The following NT5C2 variants were observed in gnomAD, a reference collection of about 807,000 sequenced individuals.
NT5C2 encodes cytosolic purine 5'-nucleotidase.
A neutral mutation model predicts 76.1 loss-of-function variants in NT5C2; 58 were observed. That is an observed-to-expected ratio of 0.76 (90% confidence interval 0.62 to 0.95). NT5C2 has a LOEUF of 0.95. NT5C2 is among the 40% of genes least tolerant of loss of function. The pLI is 0.00. For missense variants in NT5C2, 478 were observed against 690.3 expected, an observed-to-expected ratio of 0.69 and a Z score of 3.45; for synonymous variants, 229 against 237.4, an observed-to-expected ratio of 0.96 and a Z score of 0.32.
intron 3 of NT5C2, among the ~76,000 whole-genome samples, chr10:103,162,879 A>G (rs1431760371): frequency 1.3e-5 from 2 of 152,166 alleles, no homozygotes; most frequent in African/African-American, 4.8e-5. Flanking sequence ...TAACTCACAT[A>G]ATAGTTACAA....
At chr10:103,175,255 T>G (rs746292366) in intron 2 of NT5C2, among the ~76,000 whole-genome samples, 139 of 152,286 alleles carry the variant, frequency 9.1e-4, no homozygotes, top group Middle Eastern at 3.4e-3. Context: ...ACTCTAATCC[T>G]AGATTCTAGA....
At chr10:103,132,295 A>C (rs1157985940) in intron 4 of NT5C2, among the ~76,000 whole-genome samples, 2 of 152,148 alleles carry the variant, frequency 1.3e-5, no homozygotes. Context: ...GAACAATCAC[A>C]GATTAGAAGA....
At chr10:103,150,248 A>C (rs759198735) in intron 3 of NT5C2, among the ~76,000 whole-genome samples, 2 of 152,168 alleles carry the variant, frequency 1.3e-5, no homozygotes, top group Non-Finnish European at 2.9e-5. Context: ...CTGAGCTACC[A>C]CTAGTACTTT....
At chr10:103,115,059 G>C (rs1243063810) in intron 4 of NT5C2, among the ~76,000 whole-genome samples, 4 of 152,202 alleles carry the variant, frequency 2.6e-5, no homozygotes, top group African/African-American at 9.6e-5. Context: ...ATGAATCAAA[G>C]GTAGCTATTA....
Position 103,088,980 on chromosome 10 carries a change from G to T in NT5C2, c.*692C>A. The stretch of plus-strand genomic sequence containing the variant: ...TCTATAGATTTATCACAGATAAGAA[G>T]GAGGTTGTTTTTGGATAACAAATAA... On this transcript the variant is annotated 3_prime_UTR_variant, in exon 19 of 19. Transcript: ENST00000404739. The T allele has an allele frequency of 4.8e-6, 1 of 209,358 alleles. No homozygotes were observed. The highest frequency in any genetic ancestry group is 2.3e-5 in the African/African-American group (1 of 44,092). 13.0% of individuals were successfully genotyped at this position (209,358 alleles called of 1,614,324 possible). A position where few individuals can be genotyped will look rare whatever the true frequency, so the allele number is the denominator to read the frequency against.
At position 103,106,305 on chromosome 10, in the gene NT5C2, C is replaced by T. The variant is rs2281877; in HGVS notation, c.293+284G>A. Reference sequence around the variant, plus strand: ...TTGCCAACAGCCCCAAATAGCACCACCTGTGATTACTGCCCATCAGTTTTA... The same window carrying T: ...TTGCCAACAGCCCCAAATAGCACCATCTGTGATTACTGCCCATCAGTTTTA... On this transcript the variant is annotated intron_variant, in intron 5 of 18. Coordinates refer to ENST00000404739, the MANE Select transcript of NT5C2 (RefSeq NM_001351169.2). Among the ~76,000 whole-genome samples the T allele has an allele frequency of 0.32, 47,941 of 151,986 alleles. 7,642 individuals are homozygous for T. Among genetic ancestry groups the T allele is most frequent in the Middle Eastern group, 0.36 (107 of 294 alleles).
intron 1 of NT5C2, among the ~76,000 whole-genome samples, chr10:103,185,980 A>T (rs1382127310): frequency 3.9e-5 from 6 of 152,236 alleles, no homozygotes; most frequent in Admixed American, 1.3e-4. Context: ...TTTTTCATGT[A>T]TGATTCTAAG....
At chr10:103,187,163 T>A (rs2092128929) in intron 1 of NT5C2, among the ~76,000 whole-genome samples, 1 of 151,856 alleles carries the variant, frequency 6.6e-6, no homozygotes. Flanking sequence ...GGCAGGAGAA[T>A]CGCTTAAACC....
At chr10:103,185,015 T>G (rs564481568) in intron 1 of NT5C2, among the ~76,000 whole-genome samples, 1 of 150,846 alleles carries the variant, frequency 6.6e-6, no homozygotes, top group Admixed American at 6.6e-5. Flanking sequence ...AAAGACTAAT[T>G]TTGCTATGTT....
At chr10:103,153,935 C>T (rs2082844303) in intron 3 of NT5C2, 1 of 258,060 alleles carries the variant, frequency 3.9e-6, no homozygotes, top group Admixed American at 6.5e-5. Flanking sequence ...TGCTTTTAAA[C>T]AAAACATCTG....
At chr10:103,117,525 T>C (rs566637980) in intron 4 of NT5C2, among the ~76,000 whole-genome samples, 1 of 152,302 alleles carries the variant, frequency 6.6e-6, no homozygotes, top group African/African-American at 2.4e-5. Flanking sequence ...CATACACCTA[T>C]AGTCCTTGCT....
chr10:103,175,595 A>G, intron 2 of NT5C2: 1 of 211,938 alleles, frequency 4.7e-6, no homozygotes, highest in Non-Finnish European at 1.0e-5. Context: ...AGACGTGACC[A>G]CCAAGGTTGC....
chr10:103,090,574 G>A, intron 18 of NT5C2, 37 bp downstream of exon 18: 1 of 1,582,716 alleles, frequency 6.3e-7, no homozygotes, highest in Non-Finnish European at 8.6e-7. Context: ...CCTGGGCTTA[G>A]AGTACATCTT....
At chr10:103,139,569 T>C in intron 3 of NT5C2, 90 bp from the exon 4 acceptor site, 1 of 911,240 alleles carries the variant, frequency 1.1e-6, no homozygotes, top group Non-Finnish European at 1.6e-6. Flanking sequence ...CTAGGTTTTC[T>C]CATTTATTTT....
At chr10:103,114,256 A>T (rs561030250) in intron 4 of NT5C2, among the ~76,000 whole-genome samples, 1 of 152,232 alleles carries the variant, frequency 6.6e-6, no homozygotes, top group South Asian at 2.1e-4. Context: ...CTACTAAAAA[A>T]TACAACAACA....
Position 103,128,479 on chromosome 10 carries a change from G to A in NT5C2, c.175+10927C>T, listed in dbSNP as rs1010018800. On this transcript the variant is annotated intron_variant, in intron 4 of 18. Coordinates refer to ENST00000404739, the MANE Select transcript of NT5C2 (RefSeq NM_001351169.2). ...AGTGCCGAGATTGCAGCCTCTGCCC[G>A]GCCACCACCCCGTCTGGGAAGTGAG... Among the ~76,000 whole-genome samples, 7 of 112,368 alleles carry A rather than the reference G, an allele frequency of 6.2e-5. 1 individual carries two copies. Among genetic ancestry groups the A allele is most frequent in the East Asian group, 5.1e-4 (2 of 3,920 alleles). The allele number at this position is 112,368 out of a possible 152,430, so 73.7% of individuals were successfully genotyped here. A position where few individuals can be genotyped will look rare whatever the true frequency, so the allele number is the denominator to read the frequency against.
At chr10:103,114,872 CACA>C (rs1248416474) in intron 4 of NT5C2, among the ~76,000 whole-genome samples, 1 of 152,210 alleles carries the variant, frequency 6.6e-6, no homozygotes, top group Non-Finnish European at 1.5e-5. Flanking sequence ...GTGACAGAAT[CACA>C]ACATCCTCAT....
At chr10:103,107,290 A>G (rs2071540731) in intron 4 of NT5C2, among the ~76,000 whole-genome samples, 1 of 152,248 alleles carries the variant, frequency 6.6e-6, no homozygotes, top group Non-Finnish European at 1.5e-5. Context: ...TATGCCATCA[A>G]AATTGTATTT....
At chr10:103,102,054 T>C (rs890264460) in intron 6 of NT5C2, among the ~76,000 whole-genome samples, 3 of 152,064 alleles carry the variant, frequency 2.0e-5, no homozygotes, top group Non-Finnish European at 2.9e-5. Flanking sequence ...CGGGGCTGAG[T>C]TGTAAAACAA....
Sources: allele counts gnomAD v4.1 joint callset (sites outside exome capture counted in the v4.1 genomes callset), GRCh38; gene constraint gnomAD v4.1.1; transcripts MANE v1.5; gene names NCBI Gene and HGNC (gene_info 2026-07-23, HGNC 2026-07-21).